Variants in PCBP3 observed in about 807,000 individuals in gnomAD.
PCBP3 encodes the protein poly(rC) binding protein 3.
Under a neutral mutation model 52.7 loss-of-function variants are expected in PCBP3, and 25 were observed. The observed-to-expected ratio is 0.47, with a 90% CI of 0.35 to 0.66. The LOEUF is 0.66. PCBP3 is among the 30% of genes least tolerant of loss of function. PCBP3 has a pLI of 0.01. For missense variants in PCBP3, 391 were observed against 490.3 expected (o/e 0.80, Z 1.91); for synonymous variants, 162 against 183.0 (o/e 0.89, Z 0.93).
intron 9 of PCBP3, among the ~76,000 whole-genome samples, chr21:45,901,752 G>C (rs1030200390): frequency 1.3e-5 from 2 of 150,786 alleles, no homozygotes; most frequent in African/African-American, 4.9e-5. Flanking sequence ...GAAAGAGAGA[G>C]AGACAGAGAC....
chr21:45,888,336 G>A (rs2095570533), intron 5 of PCBP3, among the ~76,000 whole-genome samples: 1 of 152,254 alleles, frequency 6.6e-6, no homozygotes, highest in Non-Finnish European at 1.5e-5. Flanking sequence ...AAATAATCAA[G>A]TTATTAATTA....
rs558014139 is a variant in PCBP3, at chr21:45,779,280, A to G, written c.-126+23828A>G. On this transcript the variant is annotated intron_variant, in intron 4 of 17. Coordinates refer to ENST00000681687, the MANE Select transcript of PCBP3 (RefSeq NM_001384156.1). Reference sequence around the variant, plus strand: ...CCTGGCATCTCCTGATGTTATTTTCAGGGCTGGTGAGGGTTGAGGGAGTCT... The same window carrying G: ...CCTGGCATCTCCTGATGTTATTTTCGGGGCTGGTGAGGGTTGAGGGAGTCT... Among the ~76,000 whole-genome samples, 34 of 152,202 alleles carry G rather than the reference A, an allele frequency of 2.2e-4. No individual in the cohort carries two copies. In the South Asian group the frequency reaches 5.0e-3, roughly 22 times the overall value.
chr21:45,941,140 C>CT (rs2149620311), intron 17 of PCBP3, among the ~76,000 whole-genome samples: 2 of 23,098 alleles, frequency 8.7e-5, no homozygotes, highest in Admixed American at 1.1e-3. Context: ...GGTTGGGCCT[C>CT]TTTCCATCCC....
chr21:45,727,838 T>C (rs1190644374), intron 2 of PCBP3, among the ~76,000 whole-genome samples: 1 of 152,224 alleles, frequency 6.6e-6, no homozygotes, highest in Non-Finnish European at 1.5e-5. Context: ...CAGCAAGCCC[T>C]GGATGTCAAA....
At chr21:45,884,368 T>G (rs2095469947) in intron 5 of PCBP3, among the ~76,000 whole-genome samples, 1 of 152,222 alleles carries the variant, frequency 6.6e-6, no homozygotes, top group African/African-American at 2.4e-5. Context: ...CTGTATGGCT[T>G]TCTTTTTTAG....
chr21:45,693,107 G>A (rs1243719860), intron 2 of PCBP3, among the ~76,000 whole-genome samples: 1 of 152,030 alleles, frequency 6.6e-6, no homozygotes, highest in Non-Finnish European at 1.5e-5. Context: ...AAAATTCTCA[G>A]TAAATTAGGA....
intron 5 of PCBP3, chr21:45,869,184 G>T (rs777937055): frequency 6.6e-6 from 1 of 152,240 alleles, no homozygotes; most frequent in African/African-American, 2.4e-5. Flanking sequence ...GAGGCAGGCT[G>T]ATGGGAGGTT....
At position 45,662,271 on chromosome 21, in the gene PCBP3, G is replaced by GTTT. The variant is rs59220095; in HGVS notation, c.-278-6575_-278-6573dup. ...TACAGGTATGTGCCAATATACCTAAGTTTTTTTTTTTTTTTTTTTTTTTTT... is the reference window on the plus strand; with the variant it reads ...TACAGGTATGTGCCAATATACCTAAGTTTTTTTTTTTTTTTTTTTTTTTTTTTT... On this transcript the variant is annotated intron_variant, in intron 1 of 17. Transcript: ENST00000681687. 9.5e-4 allele frequency among the ~76,000 whole-genome samples: 92 copies of GTTT among 97,268 alleles called. 4 individuals carry two copies. Among genetic ancestry groups the GTTT allele is most frequent in the Middle Eastern group, 6.4e-3 (1 of 156 alleles). The allele number at this position is 97,268 out of a possible 152,430, so 63.8% of individuals were successfully genotyped here.
intron 5 of PCBP3, among the ~76,000 whole-genome samples, chr21:45,887,263 T>C (rs2095545475): frequency 6.6e-6 from 1 of 152,222 alleles, no homozygotes; most frequent in South Asian, 2.1e-4. Context: ...TGTTTTGTTG[T>C]TTTTAGCAGG....
At chr21:45,809,984 A>G (rs1385407454) in intron 4 of PCBP3, among the ~76,000 whole-genome samples, 1 of 152,242 alleles carries the variant, frequency 6.6e-6, no homozygotes, top group Non-Finnish European at 1.5e-5. Flanking sequence ...GATCAAGCAC[A>G]TCAATAATCA....
chr21:45,672,046 T>C (rs2081204776), intron 2 of PCBP3, among the ~76,000 whole-genome samples: 1 of 152,178 alleles, frequency 6.6e-6, no homozygotes, highest in South Asian at 2.1e-4. Flanking sequence ...TGATTGGATC[T>C]TGAGGGCTGT....
At chr21:45,779,150 A>G (rs1255094179) in intron 4 of PCBP3, among the ~76,000 whole-genome samples, 1 of 152,238 alleles carries the variant, frequency 6.6e-6, no homozygotes, top group Non-Finnish European at 1.5e-5. Flanking sequence ...GCAGTCTGCC[A>G]AAGGCTAGGT....
intron 5 of PCBP3, among the ~76,000 whole-genome samples, chr21:45,867,843 G>T (rs919673825): frequency 1.3e-5 from 2 of 152,290 alleles, no homozygotes; most frequent in Non-Finnish European, 2.9e-5. Context: ...GGCCAGCCGG[G>T]ACCAGGCTCA....
At chr21:45,935,666 C>T (rs1048579519) in intron 16 of PCBP3, among the ~76,000 whole-genome samples, 1 of 152,176 alleles carries the variant, frequency 6.6e-6, no homozygotes. Context: ...CTAGAGTGGA[C>T]CCACCTGCAG....
intron 13 of PCBP3, among the ~76,000 whole-genome samples, chr21:45,924,309 C>T (rs1429497909): frequency 7.5e-5 from 10 of 132,904 alleles, no homozygotes; most frequent in African/African-American, 2.0e-4. Context: ...CGGGAACAGT[C>T]GCGTGGGTAG....
intron 13 of PCBP3, among the ~76,000 whole-genome samples, chr21:45,923,407 A>T (rs901034764): frequency 6.6e-6 from 1 of 152,122 alleles, no homozygotes; most frequent in Admixed American, 6.5e-5. Flanking sequence ...CACTCCTTTC[A>T]TGAAACAAGA....
At chr21:45,774,101 A>C (rs2090076166) in intron 4 of PCBP3, among the ~76,000 whole-genome samples, 1 of 152,150 alleles carries the variant, frequency 6.6e-6, no homozygotes, top group African/African-American at 2.4e-5. Flanking sequence ...GAATTCATTT[A>C]TCGCATCTAA....
intron 2 of PCBP3, among the ~76,000 whole-genome samples, chr21:45,696,162 C>T (rs2082762729): frequency 1.4e-5 from 2 of 139,934 alleles, no homozygotes; most frequent in African/African-American, 2.6e-5. Context: ...AAAACATGAA[C>T]TTGGACTCCG....
intron 4 of PCBP3, among the ~76,000 whole-genome samples, chr21:45,782,070 G>T (rs1436744150): frequency 3.3e-5 from 5 of 151,702 alleles, no homozygotes; most frequent in Non-Finnish European, 7.4e-5. Flanking sequence ...TTCCCCCAAA[G>T]AAAGCAGCAT....
Sources: allele counts gnomAD v4.1 joint callset (sites outside exome capture counted in the v4.1 genomes callset), GRCh38; gene constraint gnomAD v4.1.1; transcripts MANE v1.5; gene names NCBI Gene and HGNC (gene_info 2026-07-23, HGNC 2026-07-21).